The following TNS3 variants were observed in gnomAD, a reference collection of about 807,000 sequenced individuals.
The protein encoded by TNS3 is tensin-3.
Under a neutral mutation model 140.9 loss-of-function variants are expected in TNS3, and 45 were observed. The ratio of observed to expected loss-of-function variants is 0.32; its 90% CI spans 0.25 to 0.41. The LOEUF (loss-of-function observed/expected upper bound fraction) is 0.41, where lower values mean the gene tolerates loss of function less well. TNS3 is among the 10% of genes least tolerant of loss of function. The probability of loss-of-function intolerance (pLI) is 1.00; values close to 1 mark genes in which losing one functional copy is unlikely to be tolerated. For missense variants in TNS3, 1,716 were observed against 1,906.7 expected (o/e 0.90, Z 1.86); for synonymous variants, 815 against 788.4 (o/e 1.03, Z -0.56).
At chr7:47,539,331 A>C in intron 1 of TNS3, 1 of 340,854 alleles carries the variant, frequency 2.9e-6, no homozygotes, top group Admixed American at 3.8e-5. Context: ...CATTCAGAAA[A>C]CTCCCACACT....
At chr7:47,284,804 GAGTGTTTTCCCAC>G (rs1314501472) in intron 27 of TNS3, among the ~76,000 whole-genome samples, 1 of 152,218 alleles carries the variant, frequency 6.6e-6, no homozygotes. Context: ...AACAGAAAAA[GAGTGTTTTCCCAC>G]AGTCTACAGC....
At chr7:47,427,183 G>A (rs1794703928) in intron 9 of TNS3, among the ~76,000 whole-genome samples, 1 of 149,686 alleles carries the variant, frequency 6.7e-6, no homozygotes, top group South Asian at 2.1e-4. Context: ...GAACCAGCCA[G>A]GCTATGTTTA....
chr7:47,530,347 G>A (rs1799346905), intron 1 of TNS3, among the ~76,000 whole-genome samples: 1 of 152,142 alleles, frequency 6.6e-6, no homozygotes, highest in Admixed American at 6.5e-5. Flanking sequence ...ACACAGAGAT[G>A]AGACAACCTA....
chr7:47,549,647 T>A (rs1034683394), intron 1 of TNS3, among the ~76,000 whole-genome samples: 1 of 152,076 alleles, frequency 6.6e-6, no homozygotes, highest in African/African-American at 2.4e-5. Context: ...AGATCCCTGC[T>A]CAGTTTATGC....
chr7:47,277,743 G>A lies in TNS3; in HGVS notation c.*333C>T. On this transcript the variant is annotated 3_prime_UTR_variant, in exon 31 of 31. Coordinates refer to ENST00000311160, the MANE Select transcript of TNS3 (RefSeq NM_022748.12). ...CATCCCCCGGAATGCTAGTGTGCCA[G>A]GGACATGGGGACCACCTCGTGTTCT... The A allele has an allele frequency of 1.1e-5, 4 of 374,458 alleles. No homozygotes were observed. The highest frequency in any genetic ancestry group is 6.9e-5 in the South Asian group (3 of 43,408). The allele number at this position is 374,458 out of a possible 1,614,324, so 23.2% of individuals were successfully genotyped here.
intron 3 of TNS3, among the ~76,000 whole-genome samples, chr7:47,483,160 G>A (rs1429778563): frequency 2.9e-5 from 4 of 136,876 alleles, no homozygotes; most frequent in Non-Finnish European, 6.3e-5. Context: ...AGAGGAAGAA[G>A]AGTGTGTCCA....
At chr7:47,458,572 G>A (rs140398338) in intron 4 of TNS3, among the ~76,000 whole-genome samples, 318 of 152,360 alleles carry the variant, frequency 2.1e-3, no homozygotes, top group Admixed American at 4.2e-3. Context: ...ATCAGTCTGC[G>A]CTGGGATGAG....
chr7:47,374,720 TC>T (rs1314889583), intron 16 of TNS3, among the ~76,000 whole-genome samples: 9 of 152,266 alleles, frequency 5.9e-5, no homozygotes, highest in African/African-American at 2.2e-4. Flanking sequence ...AAGAATACCC[TC>T]CTTAACTGAT....
At chr7:47,427,244 A>G (rs1794706946) in intron 9 of TNS3, among the ~76,000 whole-genome samples, 1 of 152,004 alleles carries the variant, frequency 6.6e-6, no homozygotes, top group Non-Finnish European at 1.5e-5. Context: ...GTGCCCAGGA[A>G]TCTCGATTTT....
At chr7:47,423,626 T>C (rs1282848780) in intron 10 of TNS3, among the ~76,000 whole-genome samples, 3 of 152,254 alleles carry the variant, frequency 2.0e-5, no homozygotes, top group African/African-American at 2.4e-5. Flanking sequence ...AAAGTTTTAT[T>C]GCAATACAGC....
At chr7:47,479,552 C>A (rs978030698) in intron 4 of TNS3, among the ~76,000 whole-genome samples, 1 of 150,660 alleles carries the variant, frequency 6.6e-6, no homozygotes, top group African/African-American at 2.4e-5. Flanking sequence ...GGCCTGGGGA[C>A]ACAGCTGAGG....
chr7:47,285,989 G>A (rs1408753712), intron 27 of TNS3, among the ~76,000 whole-genome samples: 1 of 152,198 alleles, frequency 6.6e-6, no homozygotes, highest in African/African-American at 2.4e-5. Flanking sequence ...AAAAGCATGT[G>A]TGCATCAGAT....
intron 20 of TNS3, among the ~76,000 whole-genome samples, chr7:47,332,350 AT>A (rs1189301053): frequency 1.3e-5 from 2 of 152,246 alleles, no homozygotes; most frequent in Non-Finnish European, 2.9e-5. Context: ...CACATTTTAT[AT>A]GCTGGGGCTT....
In TNS3 at chr7:47,407,621, A is replaced by G. The variant is rs143410152; in HGVS notation, c.723+4106T>C. ...GCTGAATGGTGTCCTTCCAAAATCC[A>G]TAAGTTGAAGGTCTCAGCACTTCAG... On this transcript the variant is annotated intron_variant, in intron 13 of 30. Transcript: ENST00000311160. The surrounding 1 kb of genome is among the most constrained non-coding windows in gnomAD (Gnocchi z 4.1). Among the ~76,000 whole-genome samples the G allele has an allele frequency of 9.2e-4, 140 of 152,344 alleles. No homozygotes were observed. Among genetic ancestry groups the G allele is most frequent in the Middle Eastern group, 6.8e-3 (2 of 294 alleles).
chr7:47,296,409 G>C (rs1028377601), intron 24 of TNS3, among the ~76,000 whole-genome samples: 2 of 152,290 alleles, frequency 1.3e-5, no homozygotes, highest in Non-Finnish European at 2.9e-5. Context: ...ATTCCTCAAA[G>C]ACCTAGAGGC....
In TNS3 at chr7:47,549,485, C is replaced by T. The variant is rs1486821908; in HGVS notation, c.-264-20338G>A. Among the ~76,000 whole-genome samples, 8 of 151,994 alleles carry T rather than the reference C, an allele frequency of 5.3e-5. 1 individual carries two copies. The Middle Eastern group carries it at 9.5e-3, about 180-fold the overall frequency. ...ACTCCAGCCCGGCAACAGAGGGAAA[C>T]TCCATCTCAAAAAAAAAAGTTCTCT... On this transcript the variant is annotated intron_variant, in intron 1 of 30. Transcript: ENST00000311160.
intron 3 of TNS3, among the ~76,000 whole-genome samples, chr7:47,504,933 C>T (rs966103008): frequency 3.9e-5 from 6 of 152,168 alleles, no homozygotes; most frequent in Admixed American, 6.5e-5. Flanking sequence ...CCAATTGCTG[C>T]CGTTAGAAAT....
At chr7:47,528,411 A>G (rs1335099412) in intron 2 of TNS3, among the ~76,000 whole-genome samples, 1 of 152,122 alleles carries the variant, frequency 6.6e-6, no homozygotes, top group Non-Finnish European at 1.5e-5. Flanking sequence ...GATGCCAAAG[A>G]GCAGCCCCCG....
At chr7:47,422,918 T>G (rs1310582248) in intron 10 of TNS3, among the ~76,000 whole-genome samples, 1 of 152,186 alleles carries the variant, frequency 6.6e-6, no homozygotes, top group East Asian at 1.9e-4. Context: ...CTAAAATATT[T>G]TAGAAAATGC....
Sources: gnomAD v4.1 joint callset for allele counts (sites outside exome capture counted in the v4.1 genomes callset) on GRCh38, gnomAD v4.1.1 for gene constraint, Gnocchi (gnomAD v3.1) non-coding constraint, MANE v1.5 for transcripts, NCBI Gene and HGNC (gene_info 2026-07-23, HGNC 2026-07-21) for gene names.